The following ZBTB20 variants were observed in gnomAD, a reference collection of about 807,000 sequenced individuals.
ZBTB20 encodes zinc finger and BTB domain-containing protein 20.
A neutral mutation model predicts 56.9 loss-of-function variants in ZBTB20; 9 were observed. That is an observed-to-expected ratio of 0.16 (90% CI 0.10 to 0.28). The LOEUF is 0.28. ZBTB20 is among the 10% of genes least tolerant of loss of function. The pLI is 1.00. For synonymous variants in ZBTB20, 417 were observed against 420.7 expected, an observed-to-expected ratio of 0.99 and a Z score of 0.11; for missense variants, 655 against 1,003.0, an observed-to-expected ratio of 0.65 and a Z score of 4.69.
At chr3:114,420,824 A>G (rs1328057910) in intron 7 of ZBTB20, among the ~76,000 whole-genome samples, 44 of 152,174 alleles carry the variant, frequency 2.9e-4, no homozygotes, top group Admixed American at 2.9e-3. Flanking sequence ...ATTAGACTCT[A>G]TAACTGAATA....
intron 3 of ZBTB20, among the ~76,000 whole-genome samples, chr3:114,958,852 G>GA (rs1329885839): frequency 0.01 from 1,240 of 119,718 alleles, 18 homozygotes; most frequent in African/African-American, 0.031. Flanking sequence ...GTCTGTCTCA[G>GA]AAAAAAAAAA....
At chr3:115,069,933 G>A (rs1223572460) in intron 2 of ZBTB20, among the ~76,000 whole-genome samples, 1 of 151,712 alleles carries the variant, frequency 6.6e-6, no homozygotes, top group Non-Finnish European at 1.5e-5. Context: ...GAAAGAAACT[G>A]AATAAATTGA....
intron 10 of ZBTB20, among the ~76,000 whole-genome samples, chr3:114,352,740 C>T (rs915269558): frequency 6.6e-6 from 1 of 152,166 alleles, no homozygotes; most frequent in African/African-American, 2.4e-5. Flanking sequence ...CAGGAGACTA[C>T]AGTACATTGG....
At chr3:114,787,018 T>C (rs1051707224) in intron 5 of ZBTB20, among the ~76,000 whole-genome samples, 2 of 152,024 alleles carry the variant, frequency 1.3e-5, no homozygotes, top group African/African-American at 4.8e-5. Context: ...TCTCACTCTA[T>C]TGCCCAGACT....
chr3:114,486,945 C>A (rs908502488), intron 7 of ZBTB20, among the ~76,000 whole-genome samples: 2 of 152,010 alleles, frequency 1.3e-5, no homozygotes, highest in Non-Finnish European at 2.9e-5. Flanking sequence ...AGAGACTACA[C>A]AAAGAGACCA....
chr3:114,899,186 A>G (rs983276903), intron 4 of ZBTB20, among the ~76,000 whole-genome samples: 1 of 152,110 alleles, frequency 6.6e-6, no homozygotes, highest in East Asian at 1.9e-4. Flanking sequence ...TAGAATTACT[A>G]TTTAATCTTC....
At chr3:114,418,591 A>AG (rs2088820718) in intron 7 of ZBTB20, among the ~76,000 whole-genome samples, 1 of 151,896 alleles carries the variant, frequency 6.6e-6, no homozygotes, top group Non-Finnish European at 1.5e-5. Context: ...ATATTAAAAA[A>AG]AAAAAAATCA....
intron 6 of ZBTB20, among the ~76,000 whole-genome samples, chr3:114,517,256 G>A (rs1219066588): frequency 1.3e-5 from 2 of 152,034 alleles, no homozygotes; most frequent in African/African-American, 2.4e-5. Flanking sequence ...TAACATTATT[G>A]GCAGATCAAG....
chr3:114,771,925 T>C (rs1560231571), intron 5 of ZBTB20, among the ~76,000 whole-genome samples: 1 of 152,200 alleles, frequency 6.6e-6, no homozygotes, highest in Non-Finnish European at 1.5e-5. Context: ...TACCAACCTA[T>C]GAATTGAAAT....
chr3:114,821,721 C>T (rs1208884815), intron 4 of ZBTB20, among the ~76,000 whole-genome samples: 1 of 152,070 alleles, frequency 6.6e-6, no homozygotes, highest in African/African-American at 2.4e-5. Flanking sequence ...AACATGACTG[C>T]CCTCTGGCCA....
intron 2 of ZBTB20, among the ~76,000 whole-genome samples, chr3:115,027,908 T>A (rs974667567): frequency 6.6e-6 from 1 of 150,790 alleles, no homozygotes; most frequent in Admixed American, 6.6e-5. Context: ...TTCTATTTAA[T>A]TTCCTTTTTC....
intron 7 of ZBTB20, among the ~76,000 whole-genome samples, chr3:114,478,691 A>G (rs960902708): frequency 6.6e-6 from 1 of 152,208 alleles, no homozygotes; most frequent in African/African-American, 2.4e-5. Context: ...ATGTGTATGC[A>G]TATGTGTATG....
At chr3:114,410,798 C>T (rs2087866329) in intron 7 of ZBTB20, among the ~76,000 whole-genome samples, 1 of 152,068 alleles carries the variant, frequency 6.6e-6, no homozygotes, top group Non-Finnish European at 1.5e-5. Context: ...ATGGAGCAGA[C>T]AGGTGGCAGA....
At chr3:114,977,458 T>G (rs16823428) in intron 2 of ZBTB20, among the ~76,000 whole-genome samples, 16,160 of 152,080 alleles carry the variant, frequency 0.11, 2,545 homozygotes, top group African/African-American at 0.35. Context: ...TCCAAAGAGT[T>G]AAATATAAGT....
At chr3:114,985,199 C>A (rs775824059) in intron 2 of ZBTB20, among the ~76,000 whole-genome samples, 1 of 152,090 alleles carries the variant, frequency 6.6e-6, no homozygotes, top group Admixed American at 6.6e-5. Context: ...AAATCACTTG[C>A]CCCTAGGTGT....
chr3:115,027,168 C>T lies in ZBTB20; in HGVS notation c.-507+44051G>A, dbSNP rs148044555. ...ATGCTTGCAGATAAATCTTTGCATA[C>T]GTCTCTGAATATTTCTACAAAATAA... On this transcript the variant is annotated intron_variant, in intron 2 of 11. Transcript: ENST00000675478. Among the ~76,000 whole-genome samples the T allele has an allele frequency of 5.1e-3, 765 of 150,894 alleles. 5 individuals are homozygous for T. The highest frequency in any genetic ancestry group is 0.015 in the African/African-American group (629 of 41,326).
intron 2 of ZBTB20, among the ~76,000 whole-genome samples, chr3:115,064,443 C>CTTTTTTT (rs34098178): frequency 8.1e-4 from 63 of 78,058 alleles, no homozygotes; most frequent in Non-Finnish European, 1.1e-3. Context: ...TCTCATAATT[C>CTTTTTTT]TTTTTTTTTT....
At chr3:114,728,831 G>A (rs188642581) in intron 5 of ZBTB20, among the ~76,000 whole-genome samples, 22 of 152,292 alleles carry the variant, frequency 1.4e-4, no homozygotes, top group Admixed American at 6.5e-5. Flanking sequence ...TTTCTCTAAT[G>A]ATCAGTGATG....
At chr3:114,833,688 C>T (rs1284574532) in intron 4 of ZBTB20, among the ~76,000 whole-genome samples, 1 of 129,892 alleles carries the variant, frequency 7.7e-6, no homozygotes, top group East Asian at 2.4e-4. Flanking sequence ...TACCACTACA[C>T]CTAGCTAATT....
Sources: allele counts gnomAD v4.1 joint callset (sites outside exome capture counted in the v4.1 genomes callset), GRCh38; gene constraint gnomAD v4.1.1; transcripts MANE v1.5; gene names NCBI Gene and HGNC (gene_info 2026-07-23, HGNC 2026-07-21).